S100Z: variants seen among roughly 807,000 people sequenced by gnomAD.
S100Z encodes the protein protein S100-Z.
A neutral mutation model predicts 8.5 loss-of-function variants in S100Z; 11 were observed. The ratio of observed to expected loss-of-function variants is 1.30; its 90% CI spans 0.82 to 2.15. S100Z has a LOEUF of 2.15. S100Z is among the 30% of genes most tolerant of loss of function. The pLI is 0.00. For missense variants in S100Z, 126 were observed against 117.9 expected, an observed-to-expected ratio of 1.07 and a Z score of -0.32; for synonymous variants, 34 against 43.8, an observed-to-expected ratio of 0.78 and a Z score of 0.89.
intron 3 of S100Z, among the ~76,000 whole-genome samples, chr5:76,876,429 C>T (rs1202276785): frequency 2.0e-5 from 3 of 151,070 alleles, no homozygotes; most frequent in Admixed American, 2.0e-4. Flanking sequence ...AGTGCAGTGA[C>T]ACGATCTCGG....
intron 4 of S100Z, among the ~76,000 whole-genome samples, chr5:76,911,386 C>T (rs56386024): frequency 0.024 from 3,680 of 152,164 alleles, 168 homozygotes; most frequent in African/African-American, 0.083. Flanking sequence ...GCCTGCTCTC[C>T]CAAACACCAG....
chr5:76,869,400 A>G (rs1453411166), intron 1 of S100Z, among the ~76,000 whole-genome samples: 3 of 152,170 alleles, frequency 2.0e-5, no homozygotes, highest in Non-Finnish European at 4.4e-5. Context: ...GTCCAAGAGG[A>G]GATGACATTT....
intron 2 of S100Z, among the ~76,000 whole-genome samples, chr5:76,870,910 C>A (rs1351663107): frequency 6.6e-6 from 1 of 151,978 alleles, no homozygotes; most frequent in African/African-American, 2.4e-5. Flanking sequence ...TTGCTTGAGG[C>A]CAGAAGTTTG....
chr5:76,912,654 G>T (rs1203797592), intron 4 of S100Z, among the ~76,000 whole-genome samples: 2 of 152,218 alleles, frequency 1.3e-5, no homozygotes, highest in Admixed American at 6.5e-5. Context: ...AGTTACCTCT[G>T]GGGGGAACCC....
At chr5:76,888,415 A>ACT (rs1743729650) in intron 4 of S100Z, among the ~76,000 whole-genome samples, 1 of 97,380 alleles carries the variant, frequency 1.0e-5, no homozygotes, top group Non-Finnish European at 1.8e-5. Context: ...TTGCTCTGTC[A>ACT]CCTAGGCTGG....
chr5:76,927,745 C>T, the S100Z span, among the ~76,000 whole-genome samples: 3 of 152,202 alleles, frequency 2.0e-5, no homozygotes, highest in Non-Finnish European at 4.4e-5. Flanking sequence ...TGAAGACTAA[C>T]ATTCATTTAG....
chr5:76,853,036 C>T (rs547463957), intron 1 of S100Z, among the ~76,000 whole-genome samples: 4 of 152,150 alleles, frequency 2.6e-5, no homozygotes, highest in African/African-American at 7.2e-5. Context: ...ATCCCAGAGT[C>T]GATTCAAGTC....
At chr5:76,869,136 A>G (rs79300345) in intron 1 of S100Z, among the ~76,000 whole-genome samples, 4,214 of 152,236 alleles carry the variant, frequency 0.028, 182 homozygotes, top group African/African-American at 0.095. Context: ...GAGCACTTCC[A>G]TATGCCTGTC....
At chr5:76,947,045 T>C in the S100Z span, among the ~76,000 whole-genome samples, 1 of 152,252 alleles carries the variant, frequency 6.6e-6, no homozygotes, top group African/African-American at 2.4e-5. Context: ...CATTAGTTTA[T>C]GTTATTTTTA....
Position 76,875,316 on chromosome 5 carries a change from G to T in S100Z, c.-44G>T, listed in dbSNP as rs750058349. The T allele has an allele frequency of 1.9e-6, 3 of 1,571,686 alleles. 1 individual carries two copies. The South Asian group carries it at 3.5e-5, about 18-fold the overall frequency. ...TATTCTGAACAAGTGTCTTCTCCCC[G>T]GGTTTGGTGGCCTGCTTCTGGAGTG... is the stretch of plus-strand genomic sequence containing the variant. On this transcript the variant is annotated 5_prime_UTR_variant, in exon 3 of 5. Coordinates refer to ENST00000317593, the MANE Select transcript of S100Z (RefSeq NM_130772.4).
At chr5:76,891,908 C>G (rs1743872473) in intron 4 of S100Z, among the ~76,000 whole-genome samples, 1 of 152,128 alleles carries the variant, frequency 6.6e-6, no homozygotes, top group Non-Finnish European at 1.5e-5. Flanking sequence ...CTTTAAGCCT[C>G]ATTTTCTAGC....
intron 4 of S100Z, among the ~76,000 whole-genome samples, chr5:76,881,836 C>T (rs1743410486): frequency 6.6e-6 from 1 of 152,218 alleles, no homozygotes; most frequent in African/African-American, 2.4e-5. Context: ...TCAGCATAAG[C>T]ATTGCCCTGA....
intron 4 of S100Z, among the ~76,000 whole-genome samples, chr5:76,891,674 G>A (rs1743863926): frequency 6.6e-6 from 1 of 152,144 alleles, no homozygotes; most frequent in African/African-American, 2.4e-5. Context: ...GAGTCGTTTG[G>A]AAACACTGGC....
chr5:76,941,258 G>A, the S100Z span, among the ~76,000 whole-genome samples: 9 of 152,216 alleles, frequency 5.9e-5, no homozygotes, highest in East Asian at 1.7e-3. Context: ...TGGTTTGTCT[G>A]TGTCTCCACC....
At chr5:76,951,000 A>G in the S100Z span, among the ~76,000 whole-genome samples, 1 of 151,872 alleles carries the variant, frequency 6.6e-6, no homozygotes, top group South Asian at 2.1e-4. Context: ...GATAGCTTGT[A>G]GTTTCCATCT....
intron 4 of S100Z, among the ~76,000 whole-genome samples, chr5:76,910,596 G>A (rs754508215): frequency 1.3e-5 from 2 of 152,176 alleles, no homozygotes; most frequent in Non-Finnish European, 2.9e-5. Flanking sequence ...TGTCCACTAT[G>A]CTGAGGCAAT....
At chr5:76,910,431 C>G (rs1233392916) in intron 4 of S100Z, among the ~76,000 whole-genome samples, 1 of 152,130 alleles carries the variant, frequency 6.6e-6, no homozygotes, top group African/African-American at 2.4e-5. Context: ...AAGGCCGCAG[C>G]CTTAGTCATG....
chr5:76,892,798 CTG>C (rs571907983), intron 4 of S100Z, among the ~76,000 whole-genome samples: 13 of 152,258 alleles, frequency 8.5e-5, no homozygotes, highest in African/African-American at 2.9e-4. Flanking sequence ...TTCTGTAGCT[CTG>C]TGAATCTGCA....
chr5:76,896,369 C>T (rs1744039085), intron 4 of S100Z, among the ~76,000 whole-genome samples: 1 of 152,164 alleles, frequency 6.6e-6, no homozygotes, highest in African/African-American at 2.4e-5. Flanking sequence ...GACTGGATCT[C>T]ATTCTTTTTC....
Sources: gnomAD v4.1 joint callset for allele counts (sites outside exome capture counted in the v4.1 genomes callset) on GRCh38, gnomAD v4.1.1 for gene constraint, MANE v1.5 for transcripts, NCBI Gene and HGNC (gene_info 2026-07-23, HGNC 2026-07-21) for gene names.